The following C8orf34 variants were observed in gnomAD, a reference collection of about 807,000 sequenced individuals.
The protein encoded by C8orf34 is uncharacterized protein C8orf34.
In C8orf34, 65 loss-of-function variants were observed where a neutral mutation model predicts 68.3. The ratio of observed to expected loss-of-function variants is 0.95; its 90% confidence interval spans 0.78 to 1.17. The LOEUF (loss-of-function observed/expected upper bound fraction) is 1.17, where lower values mean the gene tolerates loss of function less well. Among genes scored for constraint, C8orf34 ranks in the 50% most tolerant of loss-of-function variants. The pLI, the probability that C8orf34 is intolerant of heterozygous loss-of-function variation, is 0.00. For synonymous variants in C8orf34, 244 were observed against 241.2 expected, an observed-to-expected ratio of 1.01 and a Z score of -0.11; for missense variants, 664 against 655.4, an observed-to-expected ratio of 1.01 and a Z score of -0.14.
chr8:68,597,241 A>C (rs1486834277), intron 7 of C8orf34, among the ~76,000 whole-genome samples: 1 of 152,034 alleles, frequency 6.6e-6, no homozygotes, highest in African/African-American at 2.4e-5. Flanking sequence ...CGAAGATGAC[A>C]CCAAGAGTCA....
chr8:68,387,807 G>A (rs1349822907), intron 1 of C8orf34, among the ~76,000 whole-genome samples: 4 of 152,154 alleles, frequency 2.6e-5, no homozygotes, highest in Non-Finnish European at 5.9e-5. Context: ...AGGTAATAGA[G>A]CATGAATGTG....
rs536507626 is a variant in C8orf34 at position 68,594,195 on chromosome 8, AGTAAAG to A, written c.1106-46178_1106-46173del. 3.5e-3 allele frequency among the ~76,000 whole-genome samples: 537 copies of A among 152,138 alleles called. 4 individuals carry two copies. Among genetic ancestry groups the A allele is most frequent in the African/African-American group, 0.012 (515 of 41,538 alleles). Reference sequence around the variant, plus strand: ...TTCTATATAGCTGGATCTTGGGTATAGTAAAGGTGTTCTCAAATGCACTCTGTTTAT... The same window carrying A: ...TTCTATATAGCTGGATCTTGGGTATAGTGTTCTCAAATGCACTCTGTTTAT... On this transcript the variant is annotated intron_variant, in intron 7 of 13. Coordinates refer to ENST00000518698, the MANE Select transcript of C8orf34 (RefSeq NM_052958.4).
chr8:68,718,050 C>T (rs140049986), intron 9 of C8orf34, among the ~76,000 whole-genome samples: 89 of 152,310 alleles, frequency 5.8e-4, no homozygotes, highest in African/African-American at 2.0e-3. Context: ...CCTTCCCTGC[C>T]TAGCAATAAG....
chr8:68,729,976 A>G (rs1821935219), intron 10 of C8orf34, among the ~76,000 whole-genome samples: 1 of 152,068 alleles, frequency 6.6e-6, no homozygotes, highest in South Asian at 2.1e-4. Context: ...AGGGCTTGTG[A>G]TTTTATGTAA....
intron 10 of C8orf34, among the ~76,000 whole-genome samples, chr8:68,761,209 A>G (rs4621793): frequency 0.3 from 45,842 of 152,098 alleles, 7,622 homozygotes; most frequent in African/African-American, 0.44. Flanking sequence ...CTCACTACCA[A>G]TCTGCCTCAA....
chr8:68,614,300 C>T (rs892049640), intron 7 of C8orf34, among the ~76,000 whole-genome samples: 28 of 152,176 alleles, frequency 1.8e-4, no homozygotes, highest in South Asian at 2.1e-4. Flanking sequence ...TTAATTAGAT[C>T]GCATTTGTCA....
intron 12 of C8orf34, among the ~76,000 whole-genome samples, chr8:68,801,880 T>G (rs536668118): frequency 6.8e-6 from 1 of 146,132 alleles, no homozygotes; most frequent in South Asian, 2.2e-4. Flanking sequence ...ACTGTGTTGT[T>G]TTTAATGCAG....
intron 10 of C8orf34, among the ~76,000 whole-genome samples, chr8:68,749,362 A>G (rs1242486853): frequency 6.6e-6 from 1 of 152,176 alleles, no homozygotes. Context: ...CATTGTGTAC[A>G]TGTACCCTAA....
chr8:68,789,177 A>G (rs16935068), intron 12 of C8orf34, among the ~76,000 whole-genome samples: 7,656 of 152,252 alleles, frequency 0.05, 574 homozygotes, highest in African/African-American at 0.15. Flanking sequence ...CGAAAATTTC[A>G]TGTTAAAAAA....
At chr8:68,345,956 G>A (rs1448526274) in intron 1 of C8orf34, among the ~76,000 whole-genome samples, 1 of 152,054 alleles carries the variant, frequency 6.6e-6, no homozygotes, top group Non-Finnish European at 1.5e-5. Context: ...ACAATGCCCA[G>A]TTGTATTTAA....
rs568630628 is a variant in C8orf34 at position 68,803,498 on chromosome 8, T to TAA, written c.1550-12380_1550-12379dup. On this transcript the variant is annotated intron_variant, in intron 12 of 13. Coordinates refer to ENST00000518698, the MANE Select transcript of C8orf34 (RefSeq NM_052958.4). ...GAAACGTAAGAAAAATTTCTTAATC[T>TAA]AAAAAAAAAGCGTATTTCCAAAAAT... 1.2e-3 allele frequency among the ~76,000 whole-genome samples: 186 copies of TAA among 150,606 alleles called. 1 individual carries two copies. Among genetic ancestry groups the TAA allele is most frequent in the African/African-American group, 4.4e-3 (180 of 41,076 alleles).
intron 3 of C8orf34, among the ~76,000 whole-genome samples, chr8:68,449,866 A>G (rs1811274030): frequency 1.3e-5 from 2 of 152,074 alleles, no homozygotes; most frequent in African/African-American, 2.4e-5. Flanking sequence ...AAGTTTGCCA[A>G]TGGACTCATG....
chr8:68,590,062 AG>A, intron 7 of C8orf34, among the ~76,000 whole-genome samples: 1 of 151,248 alleles, frequency 6.6e-6, no homozygotes, highest in Non-Finnish European at 1.5e-5. Context: ...GGAGAAAACA[AG>A]AAAAGAAAGA....
intron 8 of C8orf34, among the ~76,000 whole-genome samples, chr8:68,701,333 C>T (rs56194107): frequency 0.088 from 13,387 of 151,906 alleles, 957 homozygotes; most frequent in African/African-American, 0.2. Context: ...ATCTTCATTG[C>T]GATTCTAGAA....
chr8:68,523,209 AT>A (rs947535793), intron 6 of C8orf34, among the ~76,000 whole-genome samples: 1 of 152,164 alleles, frequency 6.6e-6, no homozygotes, highest in African/African-American at 2.4e-5. Context: ...AATGAGGGTA[AT>A]TTTTTTAATA....
In C8orf34 at chr8:68,790,970, C is replaced by T. The variant is rs1237499254; in HGVS notation, c.1549+3434C>T. On this transcript the variant is annotated intron_variant, in intron 12 of 13. Coordinates refer to ENST00000518698, the MANE Select transcript of C8orf34 (RefSeq NM_052958.4). ...GAATCAGCTTCATAGTATTGTTAAA[C>T]TTTGGGTCTTCTTTTTCTAGGCTTC... 5 of 614,186 alleles carry T rather than the reference C, an allele frequency of 8.1e-6. No individual in the cohort carries two copies. In the Admixed American group the frequency reaches 8.8e-5, roughly 11 times the overall value. 38.0% of individuals were successfully genotyped at this position (614,186 alleles called of 1,614,324 possible).
intron 1 of C8orf34, among the ~76,000 whole-genome samples, chr8:68,419,826 T>C (rs1252439792): frequency 1.2e-5 from 1 of 84,958 alleles, no homozygotes; most frequent in Non-Finnish European, 2.1e-5. Context: ...TGGGGACTGT[T>C]GTGGGGTGGG....
At chr8:68,391,878 G>T (rs1418765535) in intron 1 of C8orf34, among the ~76,000 whole-genome samples, 1 of 152,078 alleles carries the variant, frequency 6.6e-6, no homozygotes, top group East Asian at 1.9e-4. Context: ...ATCAGCCAAA[G>T]AAATCACATG....
intron 1 of C8orf34, among the ~76,000 whole-genome samples, chr8:68,359,162 T>C (rs1379970473): frequency 2.6e-5 from 4 of 152,150 alleles, no homozygotes; most frequent in African/African-American, 2.4e-5. Flanking sequence ...TGCACAATAT[T>C]ATTATTGCTG....
Sources: gnomAD v4.1 joint callset for allele counts (sites outside exome capture counted in the v4.1 genomes callset) on GRCh38, gnomAD v4.1.1 for gene constraint, MANE v1.5 for transcripts, NCBI Gene and HGNC (gene_info 2026-07-23, HGNC 2026-07-21) for gene names.